Variants in CDH4 observed in about 807,000 individuals in gnomAD.
CDH4 encodes cadherin-4.
Under a neutral mutation model 86.0 loss-of-function variants are expected in CDH4, and 33 were observed. That is an observed-to-expected ratio of 0.38 (90% CI 0.29 to 0.51). The LOEUF (loss-of-function observed/expected upper bound fraction) is 0.51. Ranked by LOEUF, CDH4 falls within the 20% of genes least tolerant of loss-of-function variation. The pLI is 0.86. For synonymous variants in CDH4, 555 were observed against 549.4 expected (o/e 1.01, Z -0.14); for missense variants, 1,114 against 1,307.4 (o/e 0.85, Z 2.28).
intron 4 of CDH4, among the ~76,000 whole-genome samples, chr20:61,831,417 A>G (rs1404863896): frequency 2.0e-5 from 3 of 152,206 alleles, no homozygotes; most frequent in Non-Finnish European, 2.9e-5. Flanking sequence ...GGCCTCTGTT[A>G]GCAGAGCCTG....
At chr20:61,306,374 G>A (rs1273369530) in intron 2 of CDH4, among the ~76,000 whole-genome samples, 4 of 150,936 alleles carry the variant, frequency 2.7e-5, no homozygotes, top group African/African-American at 9.8e-5. Context: ...GTCTCGCTCT[G>A]TCACCCAGGC....
intron 4 of CDH4, among the ~76,000 whole-genome samples, chr20:61,774,332 AGGCCC>A (rs2088813600): frequency 1.3e-5 from 2 of 152,198 alleles, no homozygotes; most frequent in African/African-American, 4.8e-5. Context: ...CGAGCTTCCC[AGGCCC>A]ACATCTCCTG....
chr20:61,504,577 G>T (rs536924869), intron 2 of CDH4, among the ~76,000 whole-genome samples: 1 of 152,158 alleles, frequency 6.6e-6, no homozygotes, highest in African/African-American at 2.4e-5. Flanking sequence ...CATCCTGACC[G>T]CATTCCTCCA....
At chr20:61,272,225 A>G (rs2084187307) in intron 2 of CDH4, among the ~76,000 whole-genome samples, 1 of 152,192 alleles carries the variant, frequency 6.6e-6, no homozygotes, top group East Asian at 1.9e-4. Flanking sequence ...GAAGGATATC[A>G]ATCTCCGACT....
At chr20:61,655,888 A>G (rs192694416) in intron 2 of CDH4, among the ~76,000 whole-genome samples, 2 of 152,338 alleles carry the variant, frequency 1.3e-5, no homozygotes, top group African/African-American at 2.4e-5. Flanking sequence ...AATAGAGAGC[A>G]GCCGAGCTCC....
intron 2 of CDH4, among the ~76,000 whole-genome samples, chr20:61,313,885 C>T (rs1198827665): frequency 6.6e-6 from 1 of 152,160 alleles, no homozygotes; most frequent in African/African-American, 2.4e-5. Flanking sequence ...TACAGGTGCA[C>T]ACCACCATGC....
intron 2 of CDH4, among the ~76,000 whole-genome samples, chr20:61,726,106 G>T (rs2088107553): frequency 6.6e-6 from 1 of 152,034 alleles, no homozygotes; most frequent in African/African-American, 2.4e-5. Flanking sequence ...GCAGTGGGGA[G>T]AGCATGGCAT....
At chr20:61,910,372 A>G in intron 8 of CDH4, 50 bp from the exon 9 acceptor site, 2 of 1,538,600 alleles carry the variant, frequency 1.3e-6, no homozygotes, top group Non-Finnish European at 1.8e-6. Flanking sequence ...TTCTCTGTGC[A>G]TATTTACACT....
At chr20:61,626,145 T>C (rs938943104) in intron 2 of CDH4, among the ~76,000 whole-genome samples, 5 of 152,162 alleles carry the variant, frequency 3.3e-5, no homozygotes, top group African/African-American at 1.2e-4. Context: ...GACCCTGCCC[T>C]TGGGAAGGGG....
rs1387602002 is a variant in CDH4, at chr20:61,807,196, A to G, written c.576+34014A>G. The stretch of plus-strand genomic sequence containing the variant: ...AGGTGCCTGGTGGGTCCTGCCAGAC[A>G]GAGGAGTGGCCTGTGGGAGAACTGC... On this transcript the variant is annotated intron_variant, in intron 4 of 15. Coordinates refer to ENST00000614565, the MANE Select transcript of CDH4 (RefSeq NM_001794.5). This position sits in a 1 kb window ranked among gnomAD's most constrained non-coding sequence, Gnocchi z 4.5. 6.6e-6 allele frequency among the ~76,000 whole-genome samples: 1 copy of G among 152,318 alleles called. No individual in the cohort carries two copies. Among genetic ancestry groups the G allele is most frequent in the East Asian group, 1.9e-4 (1 of 5,162 alleles).
Position 61,516,361 on chromosome 20 carries a change from T to TCA in CDH4, c.170-227195_170-227194dup, listed in dbSNP as rs1338133074. 2.0e-5 allele frequency among the ~76,000 whole-genome samples: 3 copies of TCA among 152,132 alleles called. No individual in the cohort carries two copies. Among genetic ancestry groups the TCA allele is most frequent in the African/African-American group, 7.2e-5 (3 of 41,430 alleles). The stretch of plus-strand genomic sequence containing the variant: ...TGAGCAGTCATGGGACCAACATCTG[T>TCA]CACACACATACAGAGCCCCCGTCGG... On this transcript the variant is annotated intron_variant, in intron 2 of 15. Coordinates refer to ENST00000614565, the MANE Select transcript of CDH4 (RefSeq NM_001794.5). This position sits in a 1 kb window ranked among gnomAD's most constrained non-coding sequence, Gnocchi z 4.0.
intron 2 of CDH4, among the ~76,000 whole-genome samples, chr20:61,548,998 G>A (rs1388448723): frequency 6.6e-6 from 1 of 151,958 alleles, no homozygotes; most frequent in Non-Finnish European, 1.5e-5. Flanking sequence ...GGAGAGGCGG[G>A]TGGAAGCCGC....
At chr20:61,596,310 A>G (rs2086556946) in intron 2 of CDH4, among the ~76,000 whole-genome samples, 1 of 152,186 alleles carries the variant, frequency 6.6e-6, no homozygotes, top group African/African-American at 2.4e-5. Flanking sequence ...GGTGGTGCAC[A>G]ATTGGTGGCT....
chr20:61,630,113 A>T (rs2086871446), intron 2 of CDH4, among the ~76,000 whole-genome samples: 1 of 152,194 alleles, frequency 6.6e-6, no homozygotes, highest in African/African-American at 2.4e-5. Context: ...TGAACACAGG[A>T]TGCAGAGCAG....
intron 2 of CDH4, among the ~76,000 whole-genome samples, chr20:61,710,642 C>T (rs577846600): frequency 1.3e-5 from 2 of 152,354 alleles, no homozygotes; most frequent in South Asian, 2.1e-4. Flanking sequence ...CTGGAGGGCC[C>T]TGGTGAGGAA....
chr20:61,649,984 C>T (rs1032660363), intron 2 of CDH4, among the ~76,000 whole-genome samples: 3 of 152,178 alleles, frequency 2.0e-5, no homozygotes, highest in African/African-American at 2.4e-5. Context: ...CTTCTGCCTG[C>T]GCCGGAGCCC....
intron 2 of CDH4, among the ~76,000 whole-genome samples, chr20:61,598,177 C>T (rs769467898): frequency 2.0e-5 from 3 of 152,080 alleles, no homozygotes; most frequent in Non-Finnish European, 2.9e-5. Flanking sequence ...TGGGAAGACC[C>T]CACTGCCCTC....
chr20:61,291,997 A>G (rs1369086771), intron 2 of CDH4, among the ~76,000 whole-genome samples: 2 of 152,170 alleles, frequency 1.3e-5, no homozygotes, highest in East Asian at 1.9e-4. Context: ...AACATGCGGT[A>G]TTCGGTTTTC....
At chr20:61,394,663 C>T (rs543045304) in intron 2 of CDH4, among the ~76,000 whole-genome samples, 1 of 151,930 alleles carries the variant, frequency 6.6e-6, no homozygotes, top group East Asian at 2.0e-4. Context: ...GCCATCTGAG[C>T]AGACAGGCAG....
Sources: allele counts gnomAD v4.1 joint callset (sites outside exome capture counted in the v4.1 genomes callset), GRCh38; gene constraint gnomAD v4.1.1; non-coding constraint Gnocchi (gnomAD v3.1); transcripts MANE v1.5; gene names NCBI Gene and HGNC (gene_info 2026-07-23, HGNC 2026-07-21).